The following ZNF99 variants were observed in gnomAD, a reference collection of about 807,000 sequenced individuals.
The protein encoded by ZNF99 is zinc finger protein ENSP00000375192.
Under a neutral mutation model 12.8 loss-of-function variants are expected in ZNF99, and 8 were observed. That is an observed-to-expected ratio of 0.62 (90% CI 0.37 to 1.13). The LOEUF is 1.13. ZNF99 is among the 50% of genes most tolerant of loss of function. The pLI is 0.02. For synonymous variants in ZNF99, 318 were observed against 319.0 expected (o/e 1.00, Z 0.03); for missense variants, 1,007 against 1,006.2 (o/e 1.00, Z -0.01).
At position 22,757,598 on chromosome 19, in the gene ZNF99, T is replaced by G; in HGVS notation, c.2311A>C (p.Lys771Gln). 1 of 1,611,808 alleles carries G rather than the reference T, an allele frequency of 6.2e-7. No individual in the cohort carries two copies. Among genetic ancestry groups the G allele is most frequent in the Non-Finnish European group, 8.5e-7 (1 of 1,179,680 alleles). ...TGTTTTCTAAGGGCTGAGAAATGCTTAAAAGCTTTGCCACATTCTTCACAT... is the reference window on the plus strand; with the variant it reads ...TGTTTTCTAAGGGCTGAGAAATGCTGAAAAGCTTTGCCACATTCTTCACAT... ...CKCEECGKAFKHFSALRKHKI... is the reference protein window; with the variant it reads ...CKCEECGKAFQHFSALRKHKI... The change falls in exon 4 of 4, where the codon AAG becomes CAG. Residue 771 changes from lysine to glutamine, a missense_variant. Physicochemically the swap from Lys to Gln is moderately conservative, Grantham distance 53. Coordinates refer to ENST00000596209, the MANE Select transcript of ZNF99 (RefSeq NM_001080409.3).
intron 1 of ZNF99, among the ~76,000 whole-genome samples, chr19:22,776,294 T>C (rs1474246754): frequency 1.3e-5 from 2 of 148,306 alleles, no homozygotes; most frequent in African/African-American, 2.5e-5. Flanking sequence ...AAGGTTGTAG[T>C]GTGCTGAGAT....
intron 1 of ZNF99, among the ~76,000 whole-genome samples, chr19:22,778,848 T>C (rs752171260): frequency 1.3e-5 from 2 of 151,694 alleles, no homozygotes; most frequent in Admixed American, 1.3e-4. Context: ...CTACTAAAAA[T>C]ACAAAAAAAT....
rs55638958 is a variant in ZNF99 at position 22,776,408 on chromosome 19, GATATATATATATATAT to G, written c.4-7100_4-7085del. ...CATGAGCAAACTTTTTCCAAAATAAGATATATATATATATATATATATATATATATATATATATATA... is the reference window on the plus strand; with the variant it reads ...CATGAGCAAACTTTTTCCAAAATAAGATATATATATATATATATATATATA... On this transcript the variant is annotated intron_variant, in intron 1 of 3. Transcript: ENST00000596209. Among the ~76,000 whole-genome samples the G allele has an allele frequency of 5.0e-3, 348 of 69,420 alleles. 1 individual carries two copies. Among genetic ancestry groups the G allele is most frequent in the Non-Finnish European group, 6.4e-3 (226 of 35,400 alleles). 45.5% of individuals were successfully genotyped at this position (69,420 alleles called of 152,430 possible).
At chr19:22,763,445 A>G (rs563848048) in intron 3 of ZNF99, among the ~76,000 whole-genome samples, 1 of 152,312 alleles carries the variant, frequency 6.6e-6, no homozygotes, top group Admixed American at 6.5e-5. Context: ...GACCTCTACA[A>G]GGAAAACTAC....
chr19:22,782,661 C>CTT lies in ZNF99; in HGVS notation c.3+1351_3+1352dup, dbSNP rs71180598. Among the ~76,000 whole-genome samples, 418 of 86,582 alleles carry CTT rather than the reference C, an allele frequency of 4.8e-3. 17 individuals carry two copies. Among genetic ancestry groups the CTT allele is most frequent in the African/African-American group, 9.5e-3 (213 of 22,458 alleles). The allele number at this position is 86,582 out of a possible 152,430, so 56.8% of individuals were successfully genotyped here. On this transcript the variant is annotated intron_variant, in intron 1 of 3. Coordinates refer to ENST00000596209, the MANE Select transcript of ZNF99 (RefSeq NM_001080409.3). ...ACAGGCATGAACCACCGCACCTGGCCTTTTTTTTTTTTTTTTTTTTTTTAA... is the reference window on the plus strand; with the variant it reads ...ACAGGCATGAACCACCGCACCTGGCCTTTTTTTTTTTTTTTTTTTTTTTTTAA...
chr19:22,757,124 T>C lies in ZNF99; in HGVS notation c.*190A>G, dbSNP rs574344996. 14 of 1,612,750 alleles carry C rather than the reference T, an allele frequency of 8.7e-6. No homozygotes were observed. Among genetic ancestry groups the C allele is most frequent in the Middle Eastern group, 1.7e-4 (1 of 6,044 alleles). ...AGCTTTTCCACATTCTCCACATTTG[T>C]AGGGCTTCTCCCCAGTATGAACTGC... On this transcript the variant is annotated 3_prime_UTR_variant, in exon 4 of 4. Coordinates refer to ENST00000596209, the MANE Select transcript of ZNF99 (RefSeq NM_001080409.3).
Position 22,756,470 on chromosome 19 carries a change from T to G in ZNF99, c.*844A>C, listed in dbSNP as rs769888304. On this transcript the variant is annotated 3_prime_UTR_variant, in exon 4 of 4. Coordinates refer to ENST00000596209, the MANE Select transcript of ZNF99 (RefSeq NM_001080409.3). ...TCACATTTGTAGGGTTTCTTTCCAGTATGAATTATCCTATGTTTAGTAAGG... is the reference window on the plus strand; with the variant it reads ...TCACATTTGTAGGGTTTCTTTCCAGGATGAATTATCCTATGTTTAGTAAGG... The G allele has an allele frequency of 6.3e-7, 1 of 1,594,022 alleles. No individual in the cohort carries two copies. The highest frequency in any genetic ancestry group is 1.1e-5 in the South Asian group (1 of 90,764).
chr19:22,769,178 T>C lies in ZNF99; in HGVS notation c.130+20A>G. ...ACCTATAGAATATAATAGGAATTGC[T>C]TAATTAAAATCATCCTCACCCAGGA... On this transcript the variant is annotated intron_variant, in intron 2 of 3. Coordinates refer to ENST00000596209, the MANE Select transcript of ZNF99 (RefSeq NM_001080409.3). 6.3e-7 allele frequency: 1 copy of C among 1,599,662 alleles called. No individual in the cohort carries two copies. The highest frequency in any genetic ancestry group is 8.5e-7 in the Non-Finnish European group (1 of 1,172,006).
Position 22,757,579 on chromosome 19 carries a change from C to G in ZNF99, c.2330G>C (p.Arg777Thr), listed in dbSNP as rs1568382576. 1.9e-6 allele frequency: 3 copies of G among 1,610,764 alleles called. No individual in the cohort carries two copies. Among genetic ancestry groups the G allele is most frequent in the Non-Finnish European group, 2.5e-6 (3 of 1,179,476 alleles). The change falls in exon 4 of 4, where the codon AGA (arginine) becomes ACA (threonine). Residue 777 changes from arginine (R) to threonine (T), a missense_variant. By Grantham distance (71) the Arg-to-Thr change is moderately conservative. Coordinates refer to ENST00000596209, the MANE Select transcript of ZNF99 (RefSeq NM_001080409.3). ...GKAFKHFSAL[R>T]KHKIIHTGKK... ...TCCAGTATGAATTATCTTATGTTTT[C>G]TAAGGGCTGAGAAATGCTTAAAAGC...
Position 22,752,708 on chromosome 19 carries a change from T to TA in ZNF99, c.*4605dup, listed in dbSNP as rs2145320936. ...CACTTCATTGAATGTACAACAGACT[T>TA]AACATGTCAAAAAATGTTTAAAAAA... On this transcript the variant is annotated 3_prime_UTR_variant, in exon 4 of 4. Coordinates refer to ENST00000596209, the MANE Select transcript of ZNF99 (RefSeq NM_001080409.3). The TA allele has an allele frequency of 6.6e-6, 1 of 152,236 alleles. No individual in the cohort carries two copies. Among genetic ancestry groups the TA allele is most frequent in the African/African-American group, 2.4e-5 (1 of 41,578 alleles). The allele number at this position is 152,236 out of a possible 1,614,324, so 9.4% of individuals were successfully genotyped here.
chr19:22,772,945 C>T (rs556653162), intron 1 of ZNF99, among the ~76,000 whole-genome samples: 28 of 152,222 alleles, frequency 1.8e-4, no homozygotes, highest in African/African-American at 6.0e-4. Context: ...CTACTCAATG[C>T]ACACATGTTA....
Position 22,755,683 on chromosome 19 carries a change from G to T in ZNF99, c.*1631C>A. 1 of 288,418 alleles carries T rather than the reference G, an allele frequency of 3.5e-6. No homozygotes were observed. 17.9% of individuals were successfully genotyped at this position (288,418 alleles called of 1,614,324 possible). Reference sequence around the variant, plus strand: ...AGTTTGAGGACTGGTTAAAAGCTTTGCCCATTCTTCATATTTGCAGTGTTT... The same window carrying T: ...AGTTTGAGGACTGGTTAAAAGCTTTTCCCATTCTTCATATTTGCAGTGTTT... On this transcript the variant is annotated 3_prime_UTR_variant, in exon 4 of 4. Coordinates refer to ENST00000596209, the MANE Select transcript of ZNF99 (RefSeq NM_001080409.3).
intron 3 of ZNF99, among the ~76,000 whole-genome samples, chr19:22,763,409 G>T (rs1973170732): frequency 6.6e-6 from 1 of 151,578 alleles, no homozygotes; most frequent in South Asian, 2.1e-4. Context: ...AAAAAATTAG[G>T]AATATACCTA....
chr19:22,759,662 G>T lies in ZNF99; in HGVS notation c.247C>A (p.Gln83Lys), dbSNP rs768895231. 1 of 1,544,272 alleles carries T rather than the reference G, an allele frequency of 6.5e-7. No individual in the cohort carries two copies. Among genetic ancestry groups the T allele is most frequent in the Non-Finnish European group, 8.7e-7 (1 of 1,152,822 alleles). ...KPPVISSHFT[Q>K]DFWPDQSIKD... ...ATGCTCTGATCTGGCCAAAAGTCTT[G>T]TGTAAAATGAGAACTAATAACTGGA... The change falls in exon 4 of 4, where the codon CAA becomes AAA. Residue 83 changes from glutamine (Q) to lysine (K), a missense_variant. Physicochemically the swap from Gln to Lys is moderately conservative, Grantham distance 53. Transcript: ENST00000596209.
intron 3 of ZNF99, among the ~76,000 whole-genome samples, chr19:22,767,897 T>C (rs1025259857): frequency 6.6e-6 from 1 of 152,144 alleles, no homozygotes; most frequent in Non-Finnish European, 1.5e-5. Context: ...ATGATCATAG[T>C]GGAAAGCGAA....
chr19:22,784,040 G>A lies in ZNF99; in HGVS notation c.-24C>T. On this transcript the variant is annotated 5_prime_UTR_variant, in exon 1 of 4. Coordinates refer to ENST00000596209, the MANE Select transcript of ZNF99 (RefSeq NM_001080409.3). Reference sequence around the variant, plus strand: ...ATTTCTAAGCTTCCAGGGGGTCCTGGCGTCCTAGCTGTGGATCTCCAAATA... The same window carrying A: ...ATTTCTAAGCTTCCAGGGGGTCCTGACGTCCTAGCTGTGGATCTCCAAATA... 6.2e-7 allele frequency: 1 copy of A among 1,613,590 alleles called. No individual in the cohort carries two copies. The highest frequency in any genetic ancestry group is 1.7e-4 in the Middle Eastern group (1 of 6,060).
intron 1 of ZNF99, among the ~76,000 whole-genome samples, chr19:22,783,210 G>A (rs1973409842): frequency 6.6e-6 from 1 of 152,088 alleles, no homozygotes; most frequent in South Asian, 2.1e-4. Flanking sequence ...AACCTGGGAG[G>A]CGGAAGTTGC....
At chr19:22,782,655 C>T (rs1973401047) in intron 1 of ZNF99, among the ~76,000 whole-genome samples, 1 of 140,064 alleles carries the variant, frequency 7.1e-6, no homozygotes, top group South Asian at 2.3e-4. Context: ...AACCACCGCA[C>T]CTGGCCTTTT....
At chr19:22,778,895 T>C (rs183094560) in intron 1 of ZNF99, among the ~76,000 whole-genome samples, 77 of 152,004 alleles carry the variant, frequency 5.1e-4, no homozygotes, top group African/African-American at 1.7e-3. Flanking sequence ...TAATCCCAGC[T>C]ACTCAGGAGG....
Sources: allele counts gnomAD v4.1 joint callset (sites outside exome capture counted in the v4.1 genomes callset), GRCh38; gene constraint gnomAD v4.1.1; transcripts MANE v1.5; gene names NCBI Gene and HGNC (gene_info 2026-07-23, HGNC 2026-07-21).